Variants in WAC observed in about 807,000 individuals in gnomAD.
The protein encoded by WAC is WW domain-containing adapter protein with coiled-coil.
WAC carries 11 observed loss-of-function variants against 79.6 expected under a neutral mutation model. The ratio of observed to expected loss-of-function variants is 0.14; its 90% CI spans 0.09 to 0.23. The LOEUF is 0.23. Ranked by LOEUF, WAC falls within the 10% of genes least tolerant of loss-of-function variation. The pLI is 1.00. For synonymous variants in WAC, 304 were observed against 276.9 expected (o/e 1.10, Z -0.97); for missense variants, 728 against 773.5 (o/e 0.94, Z 0.70).
chr10:28,601,752 A>AT (rs1840659886), intron 7 of WAC, among the ~76,000 whole-genome samples: 1 of 152,232 alleles, frequency 6.6e-6, no homozygotes. Flanking sequence ...ATGCTACAAC[A>AT]TGGATGAACC....
chr10:28,584,866 G>C (rs1839734634), intron 4 of WAC, among the ~76,000 whole-genome samples: 1 of 152,098 alleles, frequency 6.6e-6, no homozygotes, highest in Admixed American at 6.5e-5. Context: ...CAAGGCGGGT[G>C]GATCACTTGA....
At chr10:28,540,075 G>A (rs978062472) in intron 3 of WAC, among the ~76,000 whole-genome samples, 3 of 152,044 alleles carry the variant, frequency 2.0e-5, no homozygotes, top group Non-Finnish European at 1.5e-5. Context: ...TGGTCTTACC[G>A]TTGTTTAGAT....
chr10:28,589,491 GTTTTC>G (rs1343322467), intron 4 of WAC: 1 of 219,650 alleles, frequency 4.6e-6, no homozygotes, highest in Non-Finnish European at 8.9e-6. Context: ...TAATTTCACA[GTTTTC>G]TTTCTGTGCC....
intron 3 of WAC, among the ~76,000 whole-genome samples, chr10:28,576,200 A>T: frequency 6.6e-6 from 1 of 152,242 alleles, no homozygotes; most frequent in Non-Finnish European, 1.5e-5. Flanking sequence ...TAATATATAC[A>T]TAATAACATA....
chr10:28,556,229 CTTG>C (rs1424372983), intron 3 of WAC, among the ~76,000 whole-genome samples: 3 of 151,974 alleles, frequency 2.0e-5, no homozygotes, highest in Middle Eastern at 3.2e-3. Context: ...CACTTAACCT[CTTG>C]TTTTTTCCAT....
chr10:28,615,878 A>G (rs1841445386), intron 11 of WAC: 1 of 248,928 alleles, frequency 4.0e-6, no homozygotes, highest in South Asian at 1.3e-4. Flanking sequence ...GACTTTTTTT[A>G]GTTATATTAT....
intron 7 of WAC, among the ~76,000 whole-genome samples, chr10:28,603,234 G>A (rs962196227): frequency 3.3e-5 from 5 of 152,158 alleles, no homozygotes; most frequent in Admixed American, 1.3e-4. Context: ...TAGCTGATGA[G>A]CTTTTAAAAA....
chr10:28,563,624 G>A (rs1212035390), intron 3 of WAC, among the ~76,000 whole-genome samples: 4 of 151,972 alleles, frequency 2.6e-5, no homozygotes, highest in African/African-American at 9.7e-5. Context: ...CTGTCACCCA[G>A]GCTGGAGTGC....
At chr10:28,604,708 C>T (rs1009333780) in intron 7 of WAC, among the ~76,000 whole-genome samples, 5 of 152,082 alleles carry the variant, frequency 3.3e-5, no homozygotes, top group African/African-American at 7.2e-5. Context: ...TGACAGAGAA[C>T]GACTGTATCT....
At chr10:28,591,355 A>G (rs1840073799) in intron 6 of WAC, 1 of 152,704 alleles carries the variant, frequency 6.5e-6, no homozygotes, top group African/African-American at 2.4e-5. Flanking sequence ...GAATTTCCAC[A>G]CAATTTTAAA....
chr10:28,589,840 G>A lies in WAC; in HGVS notation c.486G>A (p.Glu162=). ...TEVSQWEKPK[E]WLEREQRQKE... Reference sequence around the variant, plus strand: ...TTTCACAATGGGAAAAACCAAAAGAGTGGCTTGAAAGGTAATTAGCTTTTA... The same window carrying A: ...TTTCACAATGGGAAAAACCAAAAGAATGGCTTGAAAGGTAATTAGCTTTTA... Residue 162 remains glutamate (E), a synonymous_variant, in exon 5 of 14, where the codon GAG becomes GAA. Transcript: ENST00000354911. 1 of 1,609,980 alleles carries A rather than the reference G, an allele frequency of 6.2e-7. No homozygotes were observed. The highest frequency in any genetic ancestry group is 1.1e-5 in the South Asian group (1 of 90,900).
chr10:28,585,509 A>C (rs1188430424), intron 4 of WAC, among the ~76,000 whole-genome samples: 1 of 151,922 alleles, frequency 6.6e-6, no homozygotes, highest in Non-Finnish European at 1.5e-5. Flanking sequence ...TGCTATCGTC[A>C]AACTATTTGT....
rs543702852 is a variant in WAC at position 28,548,314 on chromosome 10, A to G, written c.274+12557A>G. 3.3e-5 allele frequency among the ~76,000 whole-genome samples: 5 copies of G among 150,024 alleles called. No individual in the cohort carries two copies. In the South Asian group the frequency reaches 1.1e-3, roughly 32 times the overall value. On this transcript the variant is annotated intron_variant, in intron 3 of 13. Coordinates refer to ENST00000354911, the MANE Select transcript of WAC (RefSeq NM_016628.5). ...TATCCGTTAGAGAGTCATCTTCCAC[A>G]CTCTTTTTTTCTTCTCTTTTACTTG...
intron 3 of WAC, among the ~76,000 whole-genome samples, chr10:28,536,282 T>C (rs1836667811): frequency 6.7e-6 from 1 of 150,334 alleles, no homozygotes; most frequent in Non-Finnish European, 1.5e-5. Flanking sequence ...TGTTTAATAA[T>C]AAGGGAATGC....
chr10:28,600,231 CACA>C (rs1840574085), intron 7 of WAC, among the ~76,000 whole-genome samples: 1 of 64,924 alleles, frequency 1.5e-5, no homozygotes, highest in African/African-American at 8.2e-5. Context: ...ATCACATACT[CACA>C]TGCTGGTGCC....
chr10:28,553,951 C>T (rs1315035982), intron 3 of WAC, among the ~76,000 whole-genome samples: 1 of 152,134 alleles, frequency 6.6e-6, no homozygotes, highest in Non-Finnish European at 1.5e-5. Flanking sequence ...TCACTGCAGC[C>T]TCCACCTCCC....
At chr10:28,594,379 A>T (rs1453795661) in intron 6 of WAC, among the ~76,000 whole-genome samples, 1 of 152,228 alleles carries the variant, frequency 6.6e-6, no homozygotes, top group African/African-American at 2.4e-5. Context: ...TTGCAGGTAG[A>T]AACTGTAGAA....
intron 3 of WAC, among the ~76,000 whole-genome samples, chr10:28,564,794 C>T (rs1291808774): frequency 2.0e-5 from 3 of 152,152 alleles, no homozygotes; most frequent in Admixed American, 1.3e-4. Context: ...TTATGACAGC[C>T]TCAAAATTGA....
At position 28,574,847 on chromosome 10, in the gene WAC, T is replaced by A. The variant is rs115171181; in HGVS notation, c.275-8552T>A. Among the ~76,000 whole-genome samples the A allele has an allele frequency of 6.7e-3, 1,021 of 152,272 alleles. 12 individuals carry two copies. Among genetic ancestry groups the A allele is most frequent in the African/African-American group, 0.024 (982 of 41,544 alleles). On this transcript the variant is annotated intron_variant, in intron 3 of 13. Coordinates refer to ENST00000354911, the MANE Select transcript of WAC (RefSeq NM_016628.5). ...GGGATTGCTGGCTCATATAACTGAT[T>A]GGTTGGTCGGTGGTTTTTTTCATCT...
Sources: allele counts gnomAD v4.1 joint callset (sites outside exome capture counted in the v4.1 genomes callset), GRCh38; gene constraint gnomAD v4.1.1; transcripts MANE v1.5; gene names NCBI Gene and HGNC (gene_info 2026-07-23, HGNC 2026-07-21).